CPS1: variants seen among roughly 807,000 people sequenced by gnomAD.
CPS1 encodes carbamoyl-phosphate synthase 1.
Under a neutral mutation model 174.6 loss-of-function variants are expected in CPS1, and 109 were observed. That is an observed-to-expected ratio of 0.62 (90% CI 0.53 to 0.73). The LOEUF (loss-of-function observed/expected upper bound fraction) is 0.73, where lower values mean the gene tolerates loss of function less well. Ranked by LOEUF, CPS1 falls within the 30% of genes least tolerant of loss-of-function variation. CPS1 has a pLI of 0.00. For missense variants in CPS1, 1,689 were observed against 1,821.9 expected (o/e 0.93, Z 1.33); for synonymous variants, 637 against 632.0 (o/e 1.01, Z -0.12).
At chr2:210,511,582 C>A (rs1406220604) in intron 1 of CPS1, among the ~76,000 whole-genome samples, 1 of 151,980 alleles carries the variant, frequency 6.6e-6, no homozygotes, top group Non-Finnish European at 1.5e-5. Flanking sequence ...TCCATGGGAG[C>A]TGATGAAGAG....
At position 210,659,060 on chromosome 2, in the gene CPS1, G is replaced by A. The variant is rs571342470; in HGVS notation, c.3756+372G>A. On this transcript the variant is annotated intron_variant, in intron 31 of 37. Coordinates refer to ENST00000233072, the MANE Select transcript of CPS1 (RefSeq NM_001875.5). The stretch of plus-strand genomic sequence containing the variant: ...TCTGCTTTACTCCTTACCCAGAGAC[G>A]ATACCATTTGCAAAAATGATAAATG... Among the ~76,000 whole-genome samples, 190 of 152,258 alleles carry A rather than the reference G, an allele frequency of 1.2e-3. 1 individual carries two copies. Among genetic ancestry groups the A allele is most frequent in the African/African-American group, 4.3e-3 (177 of 41,558 alleles).
At chr2:210,499,093 G>T (rs1326253399) in intron 1 of CPS1, among the ~76,000 whole-genome samples, 6 of 152,132 alleles carry the variant, frequency 3.9e-5, no homozygotes. Flanking sequence ...TGCTGATCTG[G>T]GTGAATGGTA....
At position 210,512,893 on chromosome 2, in the gene CPS1, G is replaced by GAT. The variant is rs1173255536; in HGVS notation, c.3+35138_3+35139dup. 2.7e-4 allele frequency among the ~76,000 whole-genome samples: 25 copies of GAT among 92,948 alleles called. 4 individuals carry two copies. The South Asian group carries it at 7.7e-3, about 29-fold the overall frequency. 61.0% of individuals were successfully genotyped at this position (92,948 alleles called of 152,430 possible). A position where few individuals can be genotyped will look rare whatever the true frequency, so the allele number is the denominator to read the frequency against. On this transcript the variant is annotated intron_variant, in intron 1 of 38. Transcript: ENST00000430249. The stretch of plus-strand genomic sequence containing the variant: ...ATATATATAGAGATATATATATGGA[G>GAT]ATATATATATATGGAGATATATATA...
At chr2:210,656,749 T>G (rs531418808) in intron 30 of CPS1, 117 bp downstream of exon 30, 1 of 749,652 alleles carries the variant, frequency 1.3e-6, no homozygotes, top group East Asian at 2.7e-5. Context: ...CAGGTTAAAT[T>G]TAATGATGAG....
chr2:210,543,697 T>A (rs1286661207), intron 1 of CPS1, among the ~76,000 whole-genome samples: 1 of 152,102 alleles, frequency 6.6e-6, no homozygotes, highest in Non-Finnish European at 1.5e-5. Flanking sequence ...TACTGAAAGC[T>A]CCAATTCATT....
At chr2:210,669,095 C>T (rs1701205887) in intron 34 of CPS1, among the ~76,000 whole-genome samples, 1 of 152,026 alleles carries the variant, frequency 6.6e-6, no homozygotes, top group Non-Finnish European at 1.5e-5. Context: ...GGTAAGCCTT[C>T]TAGGTCAAAG....
chr2:210,677,732 A>G (rs1257584382), intron 37 of CPS1, among the ~76,000 whole-genome samples, 155 bp from the exon 38 acceptor site: 1 of 152,252 alleles, frequency 6.6e-6, no homozygotes, highest in African/African-American at 2.4e-5. Flanking sequence ...GGTCTGAGAC[A>G]TGGGAGAAAG....
chr2:210,560,921 T>A (rs1038972392), intron 1 of CPS1, among the ~76,000 whole-genome samples: 21 of 152,192 alleles, frequency 1.4e-4, no homozygotes, highest in African/African-American at 4.8e-4. Flanking sequence ...ACGGATTTCA[T>A]CTATGGCAAA....
chr2:210,656,722 C>CAATGTAAGATATGCTGCAGGTTAAATTT, intron 30 of CPS1, 90 bp downstream of exon 30: 1 of 888,696 alleles, frequency 1.1e-6, no homozygotes, highest in Non-Finnish European at 1.8e-6. Flanking sequence ...AGCTAGGTAG[C>CAATGTAAGATATGCTGCAGGTTAAATTT]AATGTAAGAT....
rs748331208 is a variant in CPS1 at position 210,648,482 on chromosome 2, C to T, written c.3346C>T (p.Leu1116=). 1.9e-6 allele frequency: 3 copies of T among 1,612,858 alleles called. No individual in the cohort carries two copies. The African/African-American group carries it at 4.0e-5, about 22-fold the overall frequency. ...WKAVNTLNEA[L]EFAKSVDYPC... Reference sequence around the variant, plus strand: ...TGTTTCTATTAATTAGAATGAAGCACTGGAATTTGCAAAGTCTGTGGACTA... The same window carrying T: ...TGTTTCTATTAATTAGAATGAAGCATTGGAATTTGCAAAGTCTGTGGACTA... The change falls in exon 27 of 38, where the codon CTG becomes TTG. Residue 1116 remains leucine (L), a synonymous_variant. Transcript: ENST00000233072.
Position 210,548,255 on chromosome 2 carries a change from A to T in CPS1, c.4-8464A>T, listed in dbSNP as rs185447437. On this transcript the variant is annotated intron_variant, in intron 1 of 38. Coordinates refer to the CPS1 transcript ENST00000430249. Reference sequence around the variant, plus strand: ...ATCATTTCACAAAATTTCTATCATTACTGCTTGACCTCGACTTCTAACATG... The same window carrying T: ...ATCATTTCACAAAATTTCTATCATTTCTGCTTGACCTCGACTTCTAACATG... Among the ~76,000 whole-genome samples, 18 of 152,162 alleles carry T rather than the reference A, an allele frequency of 1.2e-4. No homozygotes were observed. The East Asian group carries it at 3.1e-3, about 26-fold the overall frequency.
At chr2:210,557,673 A>T (rs957143495) in intron 1 of CPS1, among the ~76,000 whole-genome samples, 1 of 152,104 alleles carries the variant, frequency 6.6e-6, no homozygotes, top group Admixed American at 6.6e-5. Context: ...TTTAGTGACT[A>T]TAAGTTTAAG....
chr2:210,641,041 C>T (rs940770465), intron 24 of CPS1, among the ~76,000 whole-genome samples: 5 of 152,280 alleles, frequency 3.3e-5, no homozygotes, highest in Admixed American at 2.6e-4. Flanking sequence ...AAACCTTGTG[C>T]CTCCTATAAG....
chr2:210,573,116 A>T (rs573797705), intron 1 of CPS1, among the ~76,000 whole-genome samples, 182 bp from the exon 2 acceptor site: 1 of 152,218 alleles, frequency 6.6e-6, no homozygotes, highest in Non-Finnish European at 1.5e-5. Flanking sequence ...TCTGCCAGTT[A>T]CAAGAGCTAT....
intron 27 of CPS1, among the ~76,000 whole-genome samples, chr2:210,649,578 A>T (rs1039048598): frequency 6.6e-6 from 1 of 152,364 alleles, no homozygotes; most frequent in African/African-American, 2.4e-5. Context: ...ACATCACACA[A>T]TACCTCATAA....
At chr2:210,622,616 T>C (rs13005552) in intron 21 of CPS1, among the ~76,000 whole-genome samples, 18,594 of 151,866 alleles carry the variant, frequency 0.12, 1,229 homozygotes, top group East Asian at 0.26. Flanking sequence ...TATCCTTCAG[T>C]TGGACTCCCC....
At chr2:210,522,913 A>G (rs1290374907) in intron 1 of CPS1, among the ~76,000 whole-genome samples, 1 of 152,034 alleles carries the variant, frequency 6.6e-6, no homozygotes, top group Non-Finnish European at 1.5e-5. Context: ...CAATAATTAA[A>G]TTAAGTGAAA....
rs148563070 is a variant in CPS1, at chr2:210,561,983, A to G, written c.126+5124A>G. ...TTTCTTCTATAATGCAGACTGAAAT[A>G]TAAGACCATTTTAATTTATCACCAC... On this transcript the variant is annotated intron_variant, in intron 1 of 37. Transcript: ENST00000233072. Among the ~76,000 whole-genome samples the G allele has an allele frequency of 2.1e-3, 313 of 152,312 alleles. 3 individuals carry two copies. The highest frequency in any genetic ancestry group is 6.8e-3 in the African/African-American group (284 of 41,570).
Position 210,675,747 on chromosome 2 carries a change from C to A in CPS1, c.4181C>A (p.Thr1394Lys). 1.3e-6 allele frequency: 2 copies of A among 1,597,030 alleles called. No homozygotes were observed. Among genetic ancestry groups the A allele is most frequent in the Non-Finnish European group, 1.7e-6 (2 of 1,164,424 alleles). The stretch of plus-strand genomic sequence containing the variant: ...ATGCAGCTGTTTGCCACGGAAGCCA[C>A]ATCAGACTGGCTCAACGCCAACAAT... Reference protein sequence around the residue: ...EGFKLFATEATSDWLNANNVP... With the variant: ...EGFKLFATEAKSDWLNANNVP... Residue 1394 changes from threonine to lysine, a missense_variant, in exon 36 of 38, where the codon ACA becomes AAA. Transcript: ENST00000233072.
Sources: gnomAD v4.1 joint callset for allele counts (sites outside exome capture counted in the v4.1 genomes callset) on GRCh38, gnomAD v4.1.1 for gene constraint, MANE v1.5 for transcripts, NCBI Gene and HGNC (gene_info 2026-07-23, HGNC 2026-07-21) for gene names.